CRTC3: variants seen among roughly 807,000 people sequenced by gnomAD.
CRTC3 encodes the protein CREB regulated transcription coactivator 3, also known as CREB-regulated transcription coactivator 3.
A neutral mutation model predicts 74.5 loss-of-function variants in CRTC3; 26 were observed. The ratio of observed to expected loss-of-function variants is 0.35; its 90% CI spans 0.26 to 0.48. CRTC3 has a LOEUF of 0.48. Ranked by LOEUF, CRTC3 falls within the 20% of genes least tolerant of loss-of-function variation. The pLI is 0.99. For missense variants in CRTC3, 760 were observed against 787.3 expected, an observed-to-expected ratio of 0.97 and a Z score of 0.41; for synonymous variants, 377 against 325.8, an observed-to-expected ratio of 1.16 and a Z score of -1.69.
chr15:90,540,247 C>A, intron 2 of CRTC3, 110 bp downstream of exon 2: 1 of 709,946 alleles, frequency 1.4e-6, no homozygotes, highest in East Asian at 2.7e-5. Flanking sequence ...AGGTACAGTT[C>A]AGTCTTCTTT....
At chr15:90,549,234 C>T (rs1966849880) in intron 2 of CRTC3, among the ~76,000 whole-genome samples, 1 of 152,030 alleles carries the variant, frequency 6.6e-6, no homozygotes, top group South Asian at 2.1e-4. Flanking sequence ...ATGGATATGC[C>T]ACAGTTTCAC....
chr15:90,625,198 G>A (rs1026837650), intron 9 of CRTC3: 18 of 149,292 alleles, frequency 1.2e-4, no homozygotes, highest in Admixed American at 9.7e-4. Flanking sequence ...GTACATTTCA[G>A]GAGTAGGCCT....
At chr15:90,625,237 GTTC>G (rs1364645193) in intron 9 of CRTC3, among the ~76,000 whole-genome samples, 1 of 152,240 alleles carries the variant, frequency 6.6e-6, no homozygotes, top group Non-Finnish European at 1.5e-5. Context: ...CGCCCTGCTT[GTTC>G]ATCATGGTGC....
intron 13 of CRTC3, among the ~76,000 whole-genome samples, chr15:90,640,080 T>C (rs775429187): frequency 7.9e-5 from 12 of 151,754 alleles, no homozygotes; most frequent in Non-Finnish European, 1.3e-4. Flanking sequence ...AATAATAAAA[T>C]AAATTAAGAT....
intron 11 of CRTC3, among the ~76,000 whole-genome samples, chr15:90,636,545 A>G (rs997818491): frequency 2.0e-5 from 3 of 152,056 alleles, no homozygotes; most frequent in Non-Finnish European, 4.4e-5. Flanking sequence ...ACAAAAGCCA[A>G]AATTAACAAA....
At chr15:90,538,915 C>T (rs1966761978) in intron 1 of CRTC3, among the ~76,000 whole-genome samples, 1 of 152,134 alleles carries the variant, frequency 6.6e-6, no homozygotes, top group Non-Finnish European at 1.5e-5. Flanking sequence ...TGGCAAGTCA[C>T]TGAACTTCCG....
chr15:90,629,384 C>T lies in CRTC3; in HGVS notation c.1118C>T (p.Ser373Phe). ...CGTCTGTTTTCCCTTAGCAACCCATCTCTTTCCACCACAAACCTGAGCGGC... is the reference window on the plus strand; with the variant it reads ...CGTCTGTTTTCCCTTAGCAACCCATTTCTTTCCACCACAAACCTGAGCGGC... ...SLRLFSLSNP[S>F]LSTTNLSGPS... Residue 373 changes from serine to phenylalanine, a missense_variant, in exon 11 of 15, where the codon TCT (serine) becomes TTT (phenylalanine). Coordinates refer to ENST00000268184, the MANE Select transcript of CRTC3 (RefSeq NM_022769.5). 1 of 1,614,148 alleles carries T rather than the reference C, an allele frequency of 6.2e-7. No individual in the cohort carries two copies. The highest frequency in any genetic ancestry group is 8.5e-7 in the Non-Finnish European group (1 of 1,180,022).
intron 13 of CRTC3, 72 bp from the exon 14 acceptor site, chr15:90,641,025 C>A: frequency 1.1e-6 from 1 of 951,386 alleles, no homozygotes; most frequent in Non-Finnish European, 1.7e-6. Flanking sequence ...GCTCTGGGAG[C>A]ACATTGCAAT....
At chr15:90,638,360 C>T in intron 11 of CRTC3, 86 bp from the exon 12 acceptor site, 5 of 1,170,876 alleles carry the variant, frequency 4.3e-6, no homozygotes, top group South Asian at 2.6e-5. Flanking sequence ...CTCAGGCTTC[C>T]TCTCACTCTG....
intron 1 of CRTC3, among the ~76,000 whole-genome samples, chr15:90,533,024 G>A (rs546539744): frequency 7.1e-6 from 1 of 140,772 alleles, no homozygotes; most frequent in Non-Finnish European, 1.5e-5. Context: ...GGTGGAGGTT[G>A]CAGTGAGCCG....
At chr15:90,536,034 T>C (rs930394158) in intron 1 of CRTC3, among the ~76,000 whole-genome samples, 14 of 152,364 alleles carry the variant, frequency 9.2e-5, no homozygotes, top group Admixed American at 1.3e-4. Context: ...GTATCATTTG[T>C]TGAAAAGACT....
intron 2 of CRTC3, among the ~76,000 whole-genome samples, chr15:90,551,944 GCACACACACACACACACACA>G: frequency 7.7e-6 from 1 of 129,272 alleles, no homozygotes. Context: ...ACACACACAC[GCACACACACACACACACACA>G]CACAAATGTC....
At chr15:90,556,993 T>C (rs993814595) in intron 2 of CRTC3, among the ~76,000 whole-genome samples, 3 of 95,826 alleles carry the variant, frequency 3.1e-5, no homozygotes, top group African/African-American at 1.0e-4. Flanking sequence ...TATATATATA[T>C]ATATATCTTT....
chr15:90,585,087 C>T (rs1967629635), intron 2 of CRTC3, among the ~76,000 whole-genome samples: 2 of 152,194 alleles, frequency 1.3e-5, no homozygotes, highest in Non-Finnish European at 2.9e-5. Context: ...GTAATTGAAT[C>T]TTAAATCTTC....
In CRTC3 at chr15:90,557,562, A is replaced by G. The variant is rs188434879; in HGVS notation, c.231+17425A>G. ...ACATCTGCACATCTGGACCTTTCAC[A>G]TAGTGATCTGTTAAAGGCATAGAAT... On this transcript the variant is annotated intron_variant, in intron 2 of 14. Transcript: ENST00000268184. Among the ~76,000 whole-genome samples the G allele has an allele frequency of 9.1e-4, 138 of 152,088 alleles. 4 individuals carry two copies. The highest frequency in any genetic ancestry group is 4.4e-5 in the Non-Finnish European group (3 of 68,004).
At position 90,642,277 on chromosome 15, in the gene CRTC3, T is replaced by C; in HGVS notation, c.*137T>C. 1 of 690,066 alleles carries C rather than the reference T, an allele frequency of 1.4e-6. No individual in the cohort carries two copies. The highest frequency in any genetic ancestry group is 2.5e-6 in the Non-Finnish European group (1 of 403,398). The allele number at this position is 690,066 out of a possible 1,614,324, so 42.7% of individuals were successfully genotyped here. On this transcript the variant is annotated 3_prime_UTR_variant, in exon 15 of 15. Transcript: ENST00000268184. ...AATGCCACGGCTCCAGGGTTTCAGATGAGATCCCATCTCAGACACTGTGGC... is the reference window on the plus strand; with the variant it reads ...AATGCCACGGCTCCAGGGTTTCAGACGAGATCCCATCTCAGACACTGTGGC...
chr15:90,531,364 G>C (rs1966624064), intron 1 of CRTC3, among the ~76,000 whole-genome samples: 1 of 152,116 alleles, frequency 6.6e-6, no homozygotes, highest in Admixed American at 6.6e-5. Context: ...GAGCTGAGCT[G>C]AGCTCCCTTT....
intron 1 of CRTC3, among the ~76,000 whole-genome samples, chr15:90,534,062 T>C (rs181201439): frequency 6.6e-6 from 1 of 152,174 alleles, no homozygotes; most frequent in Non-Finnish European, 1.5e-5. Flanking sequence ...GATTTGCTTT[T>C]TTAAAAGATT....
At chr15:90,635,133 A>T (rs191780984) in intron 11 of CRTC3, 562 of 597,326 alleles carry the variant, frequency 9.4e-4, no homozygotes, top group Non-Finnish European at 1.1e-3. Context: ...TCTTATAATA[A>T]ACTAATGATA....
Sources: allele counts gnomAD v4.1 joint callset (sites outside exome capture counted in the v4.1 genomes callset), GRCh38; gene constraint gnomAD v4.1.1; transcripts MANE v1.5; gene names NCBI Gene and HGNC (gene_info 2026-07-23, HGNC 2026-07-21).